The following MRAP2 variants were observed in gnomAD, a reference collection of about 807,000 sequenced individuals.
MRAP2 encodes the protein melanocortin-2 receptor accessory protein 2.
Under a neutral mutation model 17.4 loss-of-function variants are expected in MRAP2, and 20 were observed. The ratio of observed to expected loss-of-function variants is 1.15; its 90% CI spans 0.81 to 1.67. The LOEUF is 1.67. Ranked by LOEUF, MRAP2 falls within the 40% of genes most tolerant of loss-of-function variation. The pLI, the probability that MRAP2 is intolerant of heterozygous loss-of-function variation, is 0.00. For synonymous variants in MRAP2, 96 were observed against 88.4 expected (o/e 1.09, Z -0.48); for missense variants, 238 against 240.0 (o/e 0.99, Z 0.05).
intron 3 of MRAP2, among the ~76,000 whole-genome samples, chr6:84,072,519 G>A (rs2099496448): frequency 6.6e-6 from 1 of 152,226 alleles, no homozygotes; most frequent in Non-Finnish European, 1.5e-5. Flanking sequence ...TTTAGCTTTG[G>A]TGGTTTAATG....
At chr6:84,065,050 C>T (rs1407964190) in intron 3 of MRAP2, among the ~76,000 whole-genome samples, 3 of 152,008 alleles carry the variant, frequency 2.0e-5, no homozygotes, top group Non-Finnish European at 4.4e-5. Flanking sequence ...TTCTGGAGGT[C>T]GAAGTGAGAG....
chr6:84,074,326 C>T (rs1369822208), intron 3 of MRAP2, among the ~76,000 whole-genome samples: 1 of 152,218 alleles, frequency 6.6e-6, no homozygotes, highest in Non-Finnish European at 1.5e-5. Context: ...GATTGCTTTA[C>T]ATATCTGGCT....
chr6:84,084,201 T>A (rs555241488), intron 3 of MRAP2, among the ~76,000 whole-genome samples: 1 of 152,188 alleles, frequency 6.6e-6, no homozygotes, highest in African/African-American at 2.4e-5. Context: ...TGGCCTTGAA[T>A]TTTTAGTAAC....
chr6:84,119,449 G>A, the MRAP2 span, among the ~76,000 whole-genome samples: 33 of 152,312 alleles, frequency 2.2e-4, no homozygotes, highest in South Asian at 1.2e-3. Context: ...CTGACTGCAT[G>A]ATGAGGTCTA....
At chr6:84,122,579 C>T in the MRAP2 span, among the ~76,000 whole-genome samples, 696 of 152,068 alleles carry the variant, frequency 4.6e-3, 8 homozygotes, top group African/African-American at 0.016. Context: ...AGGAACATAC[C>T]TCCAATAATA....
At chr6:84,120,717 G>C in the MRAP2 span, among the ~76,000 whole-genome samples, 2 of 152,104 alleles carry the variant, frequency 1.3e-5, no homozygotes, top group Admixed American at 1.3e-4. Flanking sequence ...GCTTGCATTT[G>C]GAATGAATGG....
intron 3 of MRAP2, among the ~76,000 whole-genome samples, chr6:84,063,708 G>A (rs570883597): frequency 8.0e-4 from 122 of 152,286 alleles, no homozygotes; most frequent in Non-Finnish European, 1.6e-3. Context: ...GGAAAATAGA[G>A]AATATTGAAT....
chr6:84,108,450 TA>T, the MRAP2 span, among the ~76,000 whole-genome samples: 6 of 152,076 alleles, frequency 3.9e-5, no homozygotes, highest in East Asian at 5.8e-4. Context: ...TTTTTTTTTT[TA>T]TATGTGTGCT....
chr6:84,034,316 C>T (rs908185166), intron 1 of MRAP2, among the ~76,000 whole-genome samples: 1 of 152,136 alleles, frequency 6.6e-6, no homozygotes, highest in African/African-American at 2.4e-5. Flanking sequence ...GGGAAATGTG[C>T]TGGCTCCTGG....
chr6:84,050,722 A>G (rs1562874645), intron 1 of MRAP2, among the ~76,000 whole-genome samples: 2 of 152,220 alleles, frequency 1.3e-5, no homozygotes, highest in African/African-American at 2.4e-5. Context: ...AGAACAGGTA[A>G]CTGAAAAGAC....
chr6:84,079,095 G>C (rs1326801058), intron 3 of MRAP2, among the ~76,000 whole-genome samples: 1 of 152,146 alleles, frequency 6.6e-6, no homozygotes, highest in East Asian at 1.9e-4. Context: ...TATCCACAAA[G>C]AGACTTTTCA....
chr6:84,145,998 A>C, the MRAP2 span, among the ~76,000 whole-genome samples: 1 of 152,112 alleles, frequency 6.6e-6, no homozygotes, highest in African/African-American at 2.4e-5. Flanking sequence ...CTCACCTGCA[A>C]TATCTCCTGA....
the MRAP2 span, among the ~76,000 whole-genome samples, chr6:84,129,223 G>T: frequency 6.6e-6 from 1 of 152,156 alleles, no homozygotes; most frequent in African/African-American, 2.4e-5. Flanking sequence ...GGGATGGCTG[G>T]GTCAAATGGT....
At chr6:84,052,883 C>G in intron 1 of MRAP2, 7 of 655,738 alleles carry the variant, frequency 1.1e-5, no homozygotes, top group Non-Finnish European at 1.3e-5. Flanking sequence ...TTTCATTACC[C>G]TTTGGTAATG....
chr6:84,103,269 T>C, the MRAP2 span, among the ~76,000 whole-genome samples: 1 of 152,130 alleles, frequency 6.6e-6, no homozygotes, highest in Admixed American at 6.5e-5. Flanking sequence ...ATTTGTGCCA[T>C]GATGGTAGAT....
intron 3 of MRAP2, among the ~76,000 whole-genome samples, chr6:84,063,861 T>C (rs1314222141): frequency 1.3e-5 from 2 of 151,974 alleles, no homozygotes; most frequent in East Asian, 3.9e-4. Context: ...TGCCTCGCTA[T>C]GGTGAAACCC....
chr6:84,109,626 A>G, the MRAP2 span, among the ~76,000 whole-genome samples: 1 of 151,956 alleles, frequency 6.6e-6, no homozygotes, highest in African/African-American at 2.4e-5. Flanking sequence ...TTGTACTTTA[A>G]GTTCTGGGGT....
At chr6:84,038,667 A>AC (rs1349146750) in intron 1 of MRAP2, among the ~76,000 whole-genome samples, 1 of 151,910 alleles carries the variant, frequency 6.6e-6, no homozygotes, top group Non-Finnish European at 1.5e-5. Flanking sequence ...AATTAAAAAA[A>AC]CTTTTTTTGT....
chr6:84,079,811 A>G (rs1057513418), intron 3 of MRAP2, among the ~76,000 whole-genome samples: 2 of 152,260 alleles, frequency 1.3e-5, no homozygotes, highest in Non-Finnish European at 2.9e-5. Context: ...ATCCTTGGCT[A>G]CAAGGGTTAA....
Sources: gnomAD v4.1 joint callset for allele counts (sites outside exome capture counted in the v4.1 genomes callset) on GRCh38, gnomAD v4.1.1 for gene constraint, MANE v1.5 for transcripts, NCBI Gene and HGNC (gene_info 2026-07-23, HGNC 2026-07-21) for gene names.